The following HYDIN variants were observed in gnomAD, a reference collection of about 807,000 sequenced individuals.
HYDIN encodes axonemal central pair apparatus protein HYDIN.
In HYDIN, 132 loss-of-function variants were observed where a neutral mutation model predicts 403.9. That is an observed-to-expected ratio of 0.33 (90% CI 0.28 to 0.38). HYDIN has a LOEUF of 0.38. Ranked by LOEUF, HYDIN falls within the 10% of genes least tolerant of loss-of-function variation. HYDIN has a pLI of 1.00. For missense variants in HYDIN, 2,827 were observed against 5,009.5 expected, an observed-to-expected ratio of 0.56 and a Z score of 13.15; for synonymous variants, 1,202 against 1,891.7, an observed-to-expected ratio of 0.64 and a Z score of 9.46.
At chr16:70,968,807 A>C (rs1039763511) in intron 36 of HYDIN, among the ~76,000 whole-genome samples, 1 of 152,244 alleles carries the variant, frequency 6.6e-6, no homozygotes, top group African/African-American at 2.4e-5. Flanking sequence ...AAAGAAAATG[A>C]ATAGATATCA....
At chr16:71,027,268 T>C (rs2080741046) in intron 20 of HYDIN, 1 of 1,211,098 alleles carries the variant, frequency 8.3e-7, no homozygotes, top group Non-Finnish European at 1.0e-6. Flanking sequence ...TGAATGAATA[T>C]TAAATTCATC....
At chr16:70,918,705 TTTTTGCG>T (rs1279410917) in intron 46 of HYDIN, among the ~76,000 whole-genome samples, 1 of 151,284 alleles carries the variant, frequency 6.6e-6, no homozygotes, top group African/African-American at 2.4e-5. Flanking sequence ...TTAATTTTTC[TTTTTGCG>T]TTAAATGTTC....
chr16:71,124,541 A>C (rs925081441), intron 9 of HYDIN, among the ~76,000 whole-genome samples: 1 of 150,162 alleles, frequency 6.7e-6, no homozygotes, highest in African/African-American at 2.5e-5. Context: ...CCAGGACTAA[A>C]CTAACCTTTT....
At position 70,960,488 on chromosome 16, in the gene HYDIN, C is replaced by T. The variant is rs376069009; in HGVS notation, c.5969-668G>A. On this transcript the variant is annotated intron_variant, in intron 38 of 85. Coordinates refer to ENST00000393567, the MANE Select transcript of HYDIN (RefSeq NM_001270974.2). Reference sequence around the variant, plus strand: ...TATCAAATGCATTGGCCTAGAGGAACGTCTAGAAAAAAGCAAGCTGCAGGA... The same window carrying T: ...TATCAAATGCATTGGCCTAGAGGAATGTCTAGAAAAAAGCAAGCTGCAGGA... 7.8e-3 allele frequency among the ~76,000 whole-genome samples: 1,084 copies of T among 138,538 alleles called. 10 individuals are homozygous for T. Among genetic ancestry groups the T allele is most frequent in the African/African-American group, 0.031 (1,036 of 33,454 alleles). The allele number at this position is 138,538 out of a possible 152,430, so 90.9% of individuals were successfully genotyped here.
intron 75 of HYDIN, among the ~76,000 whole-genome samples, 157 bp from the exon 76 acceptor site, chr16:70,840,390 G>C: frequency 6.6e-6 from 1 of 151,514 alleles, no homozygotes; most frequent in Non-Finnish European, 1.5e-5. Context: ...TTAGAAGTTT[G>C]TGTATTGAAG....
chr16:70,865,031 G>A (rs2039662511), intron 67 of HYDIN: 1 of 183,568 alleles, frequency 5.4e-6, no homozygotes. Context: ...ATCGTAATTT[G>A]CAAAGATGTT....
intron 1 of HYDIN, among the ~76,000 whole-genome samples, chr16:71,219,636 C>G (rs2089090463): frequency 6.6e-6 from 1 of 151,820 alleles, no homozygotes; most frequent in African/African-American, 2.4e-5. Context: ...TAAATATGAC[C>G]CTTTAAAAAA....
chr16:71,175,729 C>T lies in HYDIN; in HGVS notation c.394G>A (p.Val132Met). ...GGCGAACTTTCTTCCACAACTTTCACCAACCTTGGAATCTGCAGGGAAACA... is the reference window on the plus strand; with the variant it reads ...GGCGAACTTTCTTCCACAACTTTCATCAACCTTGGAATCTGCAGGGAAACA... The part of the protein sequence containing the change: ...LRNNDKIPRL[V>M]KVVEESSPYF... The change falls in exon 5 of 86, where the codon GTG (valine) becomes ATG (methionine). Residue 132 changes from valine (V) to methionine (M), a missense_variant. By Grantham distance (21) the Val-to-Met change is conservative. Transcript: ENST00000393567. 6.2e-7 allele frequency: 1 copy of T among 1,614,160 alleles called. No homozygotes were observed. The highest frequency in any genetic ancestry group is 2.2e-5 in the East Asian group (1 of 44,886).
At chr16:70,961,254 G>A (rs1416303834) in intron 38 of HYDIN, among the ~76,000 whole-genome samples, 1 of 152,126 alleles carries the variant, frequency 6.6e-6, no homozygotes, top group African/African-American at 2.4e-5. Context: ...TAGCCAGGGT[G>A]GATTAAATAT....
intron 23 of HYDIN, among the ~76,000 whole-genome samples, chr16:71,010,265 A>C (rs6499376): frequency 6.6e-6 from 1 of 152,182 alleles, no homozygotes; most frequent in African/African-American, 2.4e-5. Flanking sequence ...TTCCCTGGGA[A>C]GTGAAAAAGA....
At chr16:70,841,842 C>CCAGGG (rs1469829044) in intron 75 of HYDIN, among the ~76,000 whole-genome samples, 3 of 151,106 alleles carry the variant, frequency 2.0e-5, no homozygotes, top group Non-Finnish European at 4.4e-5. Context: ...ATTGAACTTC[C>CCAGGG]CAGGGTCCAG....
At chr16:70,850,721 A>C (rs2038581103) in intron 73 of HYDIN, 66 bp from the exon 74 acceptor site, 1 of 1,267,194 alleles carries the variant, frequency 7.9e-7, no homozygotes, top group Admixed American at 2.2e-5. Flanking sequence ...AAAAAATATG[A>C]GCCTACTGAA....
chr16:70,934,336 T>G (rs973948168), intron 45 of HYDIN, among the ~76,000 whole-genome samples: 1 of 151,996 alleles, frequency 6.6e-6, no homozygotes, highest in African/African-American at 2.4e-5. Context: ...GAAAACTTTT[T>G]TTTTTTTCAT....
intron 45 of HYDIN, among the ~76,000 whole-genome samples, chr16:70,923,465 T>C (rs1410673484): frequency 9.2e-5 from 6 of 65,094 alleles, no homozygotes; most frequent in Admixed American, 5.9e-4. Context: ...TGAAACTCCA[T>C]CTCCAAAAAA....
At chr16:71,098,733 T>TAAAA (rs56001948) in intron 10 of HYDIN, among the ~76,000 whole-genome samples, 193 of 128,142 alleles carry the variant, frequency 1.5e-3, no homozygotes, top group African/African-American at 4.0e-3. Context: ...CTGCCTTTCT[T>TAAAA]AAAAAAAAAA....
chr16:71,108,297 A>AT (rs1242098538), intron 10 of HYDIN, among the ~76,000 whole-genome samples: 2 of 152,196 alleles, frequency 1.3e-5, no homozygotes, highest in Admixed American at 1.3e-4. Flanking sequence ...CTAAAAGTTA[A>AT]TTTTTTGTTT....
chr16:71,052,417 T>C (rs1173028442), intron 18 of HYDIN, among the ~76,000 whole-genome samples: 1 of 152,064 alleles, frequency 6.6e-6, no homozygotes, highest in Non-Finnish European at 1.5e-5. Flanking sequence ...GAACTGGTGA[T>C]AGGACGAATG....
At chr16:71,167,052 G>A (rs1253522996) in intron 5 of HYDIN, among the ~76,000 whole-genome samples, 1 of 146,624 alleles carries the variant, frequency 6.8e-6, no homozygotes, top group Non-Finnish European at 1.5e-5. Context: ...GCGACAGAGT[G>A]AGACTCTGTC....
intron 23 of HYDIN, among the ~76,000 whole-genome samples, chr16:71,009,872 G>T (rs2080019432): frequency 8.2e-6 from 1 of 122,086 alleles, no homozygotes; most frequent in African/African-American, 3.8e-5. Flanking sequence ...GCTTCCGGAG[G>T]GAGCAGAGGG....
Sources: allele counts gnomAD v4.1 joint callset (sites outside exome capture counted in the v4.1 genomes callset), GRCh38; gene constraint gnomAD v4.1.1; transcripts MANE v1.5; gene names NCBI Gene and HGNC (gene_info 2026-07-23, HGNC 2026-07-21).